The following TEC variants were observed in gnomAD, a reference collection of about 807,000 sequenced individuals.
TEC encodes tec protein tyrosine kinase, also known as tyrosine-protein kinase Tec.
In TEC, 72 loss-of-function variants were observed where a neutral mutation model predicts 93.0. The observed-to-expected ratio is 0.77, with a 90% CI of 0.64 to 0.94. The LOEUF is 0.94. Ranked by LOEUF, TEC falls within the 40% of genes least tolerant of loss-of-function variation. The pLI is 0.00. For synonymous variants in TEC, 249 were observed against 247.7 expected, an observed-to-expected ratio of 1.01 and a Z score of -0.05; for missense variants, 630 against 757.9, an observed-to-expected ratio of 0.83 and a Z score of 1.98.
rs569576086 is a variant in TEC at position 48,210,531 on chromosome 4, G to A, written c.138+17946C>T. On this transcript the variant is annotated intron_variant, in intron 2 of 17. Transcript: ENST00000381501. The stretch of plus-strand genomic sequence containing the variant: ...GGAGGAGGAGGATGATGAGGAGGAG[G>A]AGGAGGAAGAGGGAGGAAAGAAAAA... Among the ~76,000 whole-genome samples the A allele has an allele frequency of 3.9e-4, 59 of 152,058 alleles. 1 individual carries two copies. Among genetic ancestry groups the A allele is most frequent in the Non-Finnish European group, 7.4e-4 (50 of 67,976 alleles).
intron 3 of TEC, among the ~76,000 whole-genome samples, chr4:48,175,373 C>T (rs1477076823): frequency 6.6e-6 from 1 of 152,190 alleles, no homozygotes; most frequent in African/African-American, 2.4e-5. Context: ...GGGTAAAAGG[C>T]GACTTTCACT....
intron 2 of TEC, among the ~76,000 whole-genome samples, chr4:48,215,981 G>C (rs1723066298): frequency 6.6e-6 from 1 of 152,116 alleles, no homozygotes; most frequent in Non-Finnish European, 1.5e-5. Flanking sequence ...ATTCTTTAAA[G>C]TCTCTTTAAG....
chr4:48,174,816 G>C (rs1721259272), intron 3 of TEC, among the ~76,000 whole-genome samples: 1 of 152,210 alleles, frequency 6.6e-6, no homozygotes, highest in Admixed American at 6.5e-5. Context: ...AGCAGCAGCA[G>C]TAGTAAGAGA....
intron 2 of TEC, among the ~76,000 whole-genome samples, chr4:48,220,116 A>C (rs915120097): frequency 2.1e-5 from 3 of 145,830 alleles, no homozygotes; most frequent in African/African-American, 7.8e-5. Context: ...TTTATCCTAG[A>C]GATGGGGAGA....
rs140471118 is a variant in TEC, at chr4:48,189,632, T to C, written c.139-13446A>G. Reference sequence around the variant, plus strand: ...AAATGTCTCACTAGGAAATAAGAATTTACGTGAAACTCAGTGTTGGCATTT... The same window carrying C: ...AAATGTCTCACTAGGAAATAAGAATCTACGTGAAACTCAGTGTTGGCATTT... On this transcript the variant is annotated intron_variant, in intron 2 of 17. Transcript: ENST00000381501. 2.0e-3 allele frequency among the ~76,000 whole-genome samples: 297 copies of C among 152,294 alleles called. 1 individual carries two copies. The highest frequency in any genetic ancestry group is 6.9e-3 in the African/African-American group (285 of 41,562).
intron 7 of TEC, among the ~76,000 whole-genome samples, chr4:48,167,184 C>T (rs1330005289): frequency 6.6e-6 from 1 of 151,932 alleles, no homozygotes; most frequent in Non-Finnish European, 1.5e-5. Context: ...CCTAAATTAA[C>T]TTGTACAAAA....
intron 2 of TEC, among the ~76,000 whole-genome samples, chr4:48,186,272 C>T (rs1051608756): frequency 4.6e-5 from 7 of 152,148 alleles, no homozygotes; most frequent in Admixed American, 3.9e-4. Context: ...CTCTGCCTGG[C>T]CGCCACCCCG....
intron 1 of TEC, among the ~76,000 whole-genome samples, chr4:48,233,637 G>GT (rs1216518517): frequency 8.5e-5 from 11 of 128,860 alleles, no homozygotes; most frequent in African/African-American, 3.8e-4. Flanking sequence ...AAAAGAAAAT[G>GT]TTAAAAAAAA....
chr4:48,140,251 T>C (rs1021298968), intron 15 of TEC, among the ~76,000 whole-genome samples: 4 of 152,226 alleles, frequency 2.6e-5, no homozygotes, highest in African/African-American at 7.2e-5. Context: ...CGCTGCCCGT[T>C]GGCCAGCTAC....
chr4:48,251,228 AGCC>A (rs1206896320), intron 1 of TEC, among the ~76,000 whole-genome samples: 1 of 152,092 alleles, frequency 6.6e-6, no homozygotes, highest in African/African-American at 2.4e-5. Flanking sequence ...CAACCACACC[AGCC>A]TTCTTCCTAT....
At chr4:48,200,275 TG>T (rs897928093) in intron 2 of TEC, among the ~76,000 whole-genome samples, 3 of 94,182 alleles carry the variant, frequency 3.2e-5, no homozygotes, top group African/African-American at 4.4e-5. Context: ...ACAGGTGGGC[TG>T]GGGGGTGGGG....
At chr4:48,140,374 T>G (rs1194716607) in intron 15 of TEC, among the ~76,000 whole-genome samples, 1 of 152,234 alleles carries the variant, frequency 6.6e-6, no homozygotes, top group East Asian at 1.9e-4. Context: ...CTACACTGGC[T>G]ACTTCCTACC....
chr4:48,144,475 G>A (rs1189974431), intron 14 of TEC, among the ~76,000 whole-genome samples: 1 of 152,170 alleles, frequency 6.6e-6, no homozygotes, highest in Non-Finnish European at 1.5e-5. Context: ...AAGAAAAACA[G>A]AAGGAAAAGA....
chr4:48,238,234 CCT>C (rs1723835399), intron 1 of TEC, among the ~76,000 whole-genome samples: 1 of 152,162 alleles, frequency 6.6e-6, no homozygotes, highest in Non-Finnish European at 1.5e-5. Flanking sequence ...ACACTGTACA[CCT>C]CTGTCTTCCT....
At chr4:48,222,859 T>C (rs1723311633) in intron 2 of TEC, among the ~76,000 whole-genome samples, 1 of 152,114 alleles carries the variant, frequency 6.6e-6, no homozygotes, top group Non-Finnish European at 1.5e-5. Context: ...CACAGTTGTG[T>C]GAGCCAATTC....
chr4:48,148,409 G>T (rs1001681618), intron 11 of TEC, among the ~76,000 whole-genome samples: 4 of 152,130 alleles, frequency 2.6e-5, no homozygotes, highest in African/African-American at 9.7e-5. Context: ...AAAGTCAAAG[G>T]CTGGAAATCT....
chr4:48,204,749 G>C (rs1015794430), intron 2 of TEC, among the ~76,000 whole-genome samples: 1 of 152,186 alleles, frequency 6.6e-6, no homozygotes, highest in African/African-American at 2.4e-5. Flanking sequence ...AAGAGGGTTC[G>C]TGCTCCTATC....
At chr4:48,212,449 C>T (rs1340612545) in intron 2 of TEC, among the ~76,000 whole-genome samples, 1 of 152,130 alleles carries the variant, frequency 6.6e-6, no homozygotes. Flanking sequence ...CATCTTGGTT[C>T]GCCTCCTCAG....
At chr4:48,168,150 C>T (rs569754532) in intron 6 of TEC, among the ~76,000 whole-genome samples, 197 bp from the exon 7 acceptor site, 1 of 151,934 alleles carries the variant, frequency 6.6e-6, no homozygotes, top group Non-Finnish European at 1.5e-5. Context: ...TTTAATTAAC[C>T]CACTCAAAGT....
Sources: allele counts gnomAD v4.1 joint callset (sites outside exome capture counted in the v4.1 genomes callset), GRCh38; gene constraint gnomAD v4.1.1; transcripts MANE v1.5; gene names NCBI Gene and HGNC (gene_info 2026-07-23, HGNC 2026-07-21).